The following CCT7 variants were observed in gnomAD, a reference collection of about 807,000 sequenced individuals.
The protein encoded by CCT7 is chaperonin containing TCP1 subunit 7, also known as T-complex protein 1 subunit eta.
In CCT7, 16 loss-of-function variants were observed where a neutral mutation model predicts 56.6. The ratio of observed to expected loss-of-function variants is 0.28; its 90% CI spans 0.19 to 0.43. The LOEUF (loss-of-function observed/expected upper bound fraction) is 0.43, where lower values mean the gene tolerates loss of function less well. Among genes scored for constraint, CCT7 ranks in the 20% least tolerant of loss-of-function variants. The pLI is 1.00. For synonymous variants in CCT7, 262 were observed against 254.8 expected (o/e 1.03, Z -0.27); for missense variants, 519 against 685.6 (o/e 0.76, Z 2.71).
intron 9 of CCT7, 60 bp from the exon 10 acceptor site, chr2:73,250,246 A>G: frequency 1.2e-6 from 2 of 1,602,184 alleles, no homozygotes; most frequent in Non-Finnish European, 1.7e-6. Flanking sequence ...CAGTGAGGAC[A>G]ATACAGTAGG....
intron 8 of CCT7, among the ~76,000 whole-genome samples, chr2:73,249,544 T>C (rs1271177119): frequency 6.6e-6 from 1 of 152,192 alleles, no homozygotes; most frequent in Non-Finnish European, 1.5e-5. Flanking sequence ...CTGGACCCAG[T>C]GCCACCCTAG....
At chr2:73,247,127 G>A (rs1423191753) in intron 6 of CCT7, among the ~76,000 whole-genome samples, 1 of 152,202 alleles carries the variant, frequency 6.6e-6, no homozygotes, top group Admixed American at 6.5e-5. Flanking sequence ...ACAAGTGGTA[G>A]AAGATCCCTA....
At chr2:73,240,388 A>C in intron 2 of CCT7, 49 bp from the exon 3 acceptor site, 1 of 1,423,734 alleles carries the variant, frequency 7.0e-7, no homozygotes, top group Non-Finnish European at 9.9e-7. Flanking sequence ...TCCCACTTGA[A>C]GACAGCATTT....
rs1338798897 is a variant in CCT7, at chr2:73,234,485, C to T, written c.6+101C>T. ...CTCTGTAGGACCCTCTTTTGCTTGC[C>T]GCCTCTGTCCTCGCCCAGATCCCCA... is the stretch of plus-strand genomic sequence containing the variant. On this transcript the variant is annotated intron_variant, in intron 1 of 11. Coordinates refer to ENST00000258091, the MANE Select transcript of CCT7 (RefSeq NM_006429.4). 1.2e-5 allele frequency: 16 copies of T among 1,353,938 alleles called. No homozygotes were observed. In the East Asian group the frequency reaches 3.4e-4, roughly 29 times the overall value. 83.9% of individuals were successfully genotyped at this position (1,353,938 alleles called of 1,614,324 possible).
intron 6 of CCT7, among the ~76,000 whole-genome samples, chr2:73,246,449 C>T (rs1233267377): frequency 2.0e-5 from 3 of 152,192 alleles, no homozygotes; most frequent in Non-Finnish European, 4.4e-5. Flanking sequence ...TTTATTGAGT[C>T]TGTCTCTTTT....
rs766775604 is a variant in CCT7 at position 73,249,808 on chromosome 2, T to C, written c.973-11T>C. 2 of 1,601,794 alleles carry C rather than the reference T, an allele frequency of 1.2e-6. No individual in the cohort carries two copies. The highest frequency in any genetic ancestry group is 1.3e-5 in the African/African-American group (1 of 74,672). Reference sequence around the variant, plus strand: ...CCTTCACTGCTAGATCTTGCCTTCCTTGCTCCCTAGGCCTGTGGAGGCTCA... The same window carrying C: ...CCTTCACTGCTAGATCTTGCCTTCCCTGCTCCCTAGGCCTGTGGAGGCTCA... On this transcript the variant is annotated splice_polypyrimidine_tract_variant and intron_variant, in intron 8 of 11. Coordinates refer to ENST00000258091, the MANE Select transcript of CCT7 (RefSeq NM_006429.4).
chr2:73,249,163 T>G lies in CCT7; in HGVS notation c.956T>G (p.Leu319Arg). Residue 319 changes from leucine to arginine, a missense_variant, in exon 8 of 12, where the codon CTG becomes CGG. Physicochemically the swap from Leu to Arg is moderately radical, Grantham distance 102 (BLOSUM62 -2). Around this residue, in one of 3 missense-constraint regions of CCT7, gnomAD observed 6 missense variants for 27.6 expected, o/e 0.22. Coordinates refer to ENST00000258091, the MANE Select transcript of CCT7 (RefSeq NM_006429.4). ...GCTGGCCGAGTACCTGAGGAGGATC[T>G]GAAGAGGACAATGATGGTAACCAGA... Reference protein sequence around the residue: ...FCAGRVPEEDLKRTMMACGGS... With the variant: ...FCAGRVPEEDRKRTMMACGGS... The G allele has an allele frequency of 6.2e-7, 1 of 1,609,600 alleles. No individual in the cohort carries two copies. The highest frequency in any genetic ancestry group is 2.2e-5 in the East Asian group (1 of 44,750).
Position 73,234,399 on chromosome 2 carries a change from G to T in CCT7, c.6+15G>T. ...CCAAAATGATGGTGAGTGGCGTCTC[G>T]CGCATCCGTCGCCATCAGCTGCCAT... On this transcript the variant is annotated intron_variant, in intron 1 of 11. Transcript: ENST00000258091. The T allele has an allele frequency of 6.2e-7, 1 of 1,613,002 alleles. No individual in the cohort carries two copies. Among genetic ancestry groups the T allele is most frequent in the Non-Finnish European group, 8.5e-7 (1 of 1,179,854 alleles).
At chr2:73,240,098 GTTTATATCTTGGTATATTAA>G in intron 2 of CCT7, 1 of 346,770 alleles carries the variant, frequency 2.9e-6, no homozygotes, top group Non-Finnish European at 5.2e-6. Flanking sequence ...GAAAATTCCT[GTTTATATCTTGGTATATTAA>G]TTGATGTGTG....
At chr2:73,245,782 T>C (rs1687308010) in intron 6 of CCT7, among the ~76,000 whole-genome samples, 1 of 152,192 alleles carries the variant, frequency 6.6e-6, no homozygotes, top group African/African-American at 2.4e-5. Context: ...CCCCTCCTAT[T>C]GTGGCACATG....
rs762864373 is a variant in CCT7, at chr2:73,240,514, G to T, written c.238G>T (p.Val80Leu). 1 of 1,607,580 alleles carries T rather than the reference G, an allele frequency of 6.2e-7. No individual in the cohort carries two copies. Among genetic ancestry groups the T allele is most frequent in the South Asian group, 1.1e-5 (1 of 90,270 alleles). Reference sequence around the variant, plus strand: ...TGTCCATCCTGCAGCAAAGACTTTGGTAGACATTGCCAAATCCCAAGATGC... The same window carrying T: ...TGTCCATCCTGCAGCAAAGACTTTGTTAGACATTGCCAAATCCCAAGATGC... The part of the protein sequence containing the change: ...DVVHPAAKTL[V>L]DIAKSQDAEV... Residue 80 changes from valine to leucine, a missense_variant, in exon 3 of 12, where the codon GTA becomes TTA. Around this residue, in one of 3 missense-constraint regions of CCT7, gnomAD observed 276 missense variants for 357.3 expected, o/e 0.77. Coordinates refer to ENST00000258091, the MANE Select transcript of CCT7 (RefSeq NM_006429.4).
chr2:73,250,306 G>A lies in CCT7; in HGVS notation c.1071G>A (p.Arg357=). 2 of 1,614,098 alleles carry A rather than the reference G, an allele frequency of 1.2e-6. No individual in the cohort carries two copies. Among genetic ancestry groups the A allele is most frequent in the Non-Finnish European group, 1.7e-6 (2 of 1,180,020 alleles). Residue 357 remains arginine (R), a splice_region_variant and synonymous_variant, in exon 10 of 12, where the codon AGG becomes AGA. Coordinates refer to ENST00000258091, the MANE Select transcript of CCT7 (RefSeq NM_006429.4). ...VFEETQIGGE[R]YNFFTGCPKA... is the part of the protein sequence containing the mutation. Reference sequence around the variant, plus strand: ...GTGTACTGTTTAATCCTGGGCATAGGTACAATTTTTTTACTGGCTGCCCCA... The same window carrying A: ...GTGTACTGTTTAATCCTGGGCATAGATACAATTTTTTTACTGGCTGCCCCA...
chr2:73,247,958 G>A, intron 7 of CCT7, 32 bp downstream of exon 7: 1 of 1,599,272 alleles, frequency 6.3e-7, no homozygotes, highest in Non-Finnish European at 8.6e-7. Context: ...TGGGGGCATG[G>A]AAATGGGCAG....
At chr2:73,244,963 CTG>C (rs1234137733) in intron 6 of CCT7, among the ~76,000 whole-genome samples, 2 of 152,164 alleles carry the variant, frequency 1.3e-5, no homozygotes, top group Non-Finnish European at 2.9e-5. Context: ...CTCAGGTTCT[CTG>C]TGTCAGTGGG....
chr2:73,250,911 G>A (rs542309400), intron 10 of CCT7, among the ~76,000 whole-genome samples: 2 of 152,072 alleles, frequency 1.3e-5, no homozygotes, highest in East Asian at 3.9e-4. Flanking sequence ...CTGCACTCCA[G>A]CCTGGGCAAC....
chr2:73,243,719 G>A (rs1025078887), intron 4 of CCT7: 7 of 392,496 alleles, frequency 1.8e-5, no homozygotes, highest in South Asian at 5.8e-5. Flanking sequence ...CCACTCATTC[G>A]TTGTAGCGTG....
chr2:73,248,725 A>G (rs1308637994), intron 7 of CCT7, among the ~76,000 whole-genome samples: 1 of 151,992 alleles, frequency 6.6e-6, no homozygotes, highest in East Asian at 1.9e-4. Context: ...AGTTTAAACT[A>G]TTTCTCGCAT....
At position 73,252,578 on chromosome 2, in the gene CCT7, G is replaced by A. The variant is rs1687641875; in HGVS notation, c.1411-62G>A. The stretch of plus-strand genomic sequence containing the variant: ...CCTAGCAGTGTCTTTTGGAGTACCA[G>A]TTTACAAGAGGAAAGTTGAAAGTAG... On this transcript the variant is annotated intron_variant, in intron 11 of 11. Transcript: ENST00000258091. 2.2e-6 allele frequency: 3 copies of A among 1,362,466 alleles called. No individual in the cohort carries two copies. The South Asian group carries it at 3.6e-5, about 16-fold the overall frequency. 84.4% of individuals were successfully genotyped at this position (1,362,466 alleles called of 1,614,324 possible).
At position 73,251,301 on chromosome 2, in the gene CCT7, A is replaced by G. The variant is rs370478773; in HGVS notation, c.1279A>G (p.Ile427Val). The G allele has an allele frequency of 4.9e-5, 79 of 1,614,094 alleles. No individual in the cohort carries two copies. Among genetic ancestry groups the G allele is most frequent in the Admixed American group, 1.3e-4 (8 of 60,012 alleles). ...SKYLRDYSRTIPGKQQLLIGA... is the reference protein window; with the variant it reads ...SKYLRDYSRTVPGKQQLLIGA... ...GTACCTGCGGGATTACTCAAGGACT[A>G]TTCCAGGAAAACAGCAGCTGTTGAT... Residue 427 changes from isoleucine (I) to valine (V), a missense_variant, in exon 11 of 12, where the codon ATT (isoleucine) becomes GTT (valine). Physicochemically the swap from Ile to Val is conservative, Grantham distance 29. This residue lies in a region of CCT7 where 237 missense variants were observed against 300.8 expected (regional missense o/e 0.79). Transcript: ENST00000258091.
Sources: gnomAD v4.1 joint callset for allele counts (sites outside exome capture counted in the v4.1 genomes callset) on GRCh38, gnomAD v4.1.1 for gene constraint, gnomAD v4.1.1 regional missense constraint, MANE v1.5 for transcripts, NCBI Gene and HGNC (gene_info 2026-07-23, HGNC 2026-07-21) for gene names.